Variants in CHD1 observed in about 807,000 individuals in gnomAD.
The protein encoded by CHD1 is chromodomain helicase DNA binding protein 1.
A neutral mutation model predicts 224.2 loss-of-function variants in CHD1; 36 were observed. The ratio of observed to expected loss-of-function variants is 0.16; its 90% CI spans 0.12 to 0.21. CHD1 has a LOEUF of 0.21. CHD1 is among the 10% of genes least tolerant of loss of function. CHD1 has a pLI of 1.00. For synonymous variants in CHD1, 668 were observed against 658.3 expected (o/e 1.01, Z -0.23); for missense variants, 1,378 against 1,994.8 (o/e 0.69, Z 5.89).
intron 17 of CHD1, among the ~76,000 whole-genome samples, chr5:98,887,430 A>T (rs754795424): frequency 2.6e-5 from 4 of 152,162 alleles, no homozygotes; most frequent in Non-Finnish European, 5.9e-5. Context: ...CTAAATATAC[A>T]GCATTTACTA....
intron 1 of CHD1, among the ~76,000 whole-genome samples, chr5:98,927,981 T>C (rs1229338574): frequency 1.3e-5 from 2 of 152,194 alleles, no homozygotes; most frequent in Non-Finnish European, 2.9e-5. Flanking sequence ...GCTTTGCTCC[T>C]GCTAAGTTTT....
Position 98,911,149 on chromosome 5 carries a change from ATATATATATATATAT to A in CHD1, c.54-6066_54-6052del, listed in dbSNP as rs1561540063. On this transcript the variant is annotated intron_variant, in intron 2 of 35. Coordinates refer to ENST00000614616, the MANE Select transcript of CHD1 (RefSeq NM_001270.4). ...TAAAATGAAAAAAAAAAAAAAAAAT[ATATATATATATATAT>A]ATATATATATATAGAGGCATGTCAA... is the stretch of plus-strand genomic sequence containing the variant. Among the ~76,000 whole-genome samples, 113 of 77,866 alleles carry A rather than the reference ATATATATATATATAT, an allele frequency of 1.5e-3. 1 individual carries two copies. The highest frequency in any genetic ancestry group is 6.4e-3 in the African/African-American group (106 of 16,482). 51.1% of individuals were successfully genotyped at this position (77,866 alleles called of 152,430 possible).
chr5:98,877,782 A>G (rs774557355), intron 23 of CHD1, among the ~76,000 whole-genome samples: 7 of 152,202 alleles, frequency 4.6e-5, no homozygotes, highest in African/African-American at 9.7e-5. Flanking sequence ...AACAGAAACA[A>G]GAAATAACAT....
intron 26 of CHD1, among the ~76,000 whole-genome samples, chr5:98,873,136 A>C (rs1193984506): frequency 6.6e-6 from 1 of 152,150 alleles, no homozygotes; most frequent in East Asian, 1.9e-4. Context: ...TCTGCTTATT[A>C]AATTTTATCT....
At chr5:98,897,854 C>T (rs978502960) in intron 10 of CHD1, among the ~76,000 whole-genome samples, 6 of 152,130 alleles carry the variant, frequency 3.9e-5, no homozygotes, top group Non-Finnish European at 7.4e-5. Flanking sequence ...TTTTTCTCTA[C>T]CTTCTAAGAA....
intron 11 of CHD1, among the ~76,000 whole-genome samples, 191 bp downstream of exon 11, chr5:98,897,002 T>TA (rs1354146066): frequency 6.6e-6 from 1 of 152,198 alleles, no homozygotes; most frequent in Non-Finnish European, 1.5e-5. Flanking sequence ...ACAATCAAGT[T>TA]AAACTCCAAC....
chr5:98,905,215 T>C (rs1275784334), intron 2 of CHD1, 117 bp from the exon 3 acceptor site: 3 of 1,204,700 alleles, frequency 2.5e-6, no homozygotes, highest in African/African-American at 1.5e-5. Context: ...ATTTCAACTA[T>C]CTTTGGCCAA....
At chr5:98,860,538 C>G in intron 32 of CHD1, 1 of 198,014 alleles carries the variant, frequency 5.1e-6, no homozygotes, top group South Asian at 8.1e-5. Context: ...GTAATGGTCC[C>G]AAGAGTAACA....
chr5:98,919,297 T>C (rs983360980), intron 2 of CHD1, among the ~76,000 whole-genome samples: 2 of 152,276 alleles, frequency 1.3e-5, no homozygotes, highest in East Asian at 3.9e-4. Context: ...CATTAATATA[T>C]GCAAATTTTA....
Position 98,858,240 on chromosome 5 carries a change from T to G in CHD1, c.4727A>C (p.Tyr1576Ser). ...YKKSDSRKRP[Y>S]SSFSNGKDHR... ...GTCTTTACCATTACTAAAAGAAGAATAGGGTCTTTTCCTGGAATCACTTTT... is the reference window on the plus strand; with the variant it reads ...GTCTTTACCATTACTAAAAGAAGAAGAGGGTCTTTTCCTGGAATCACTTTT... The change falls in exon 35 of 36, where the codon TAT becomes TCT. Residue 1576 changes from tyrosine to serine, a missense_variant. By Grantham distance (144) the Tyr-to-Ser change is moderately radical. Transcript: ENST00000614616. The G allele has an allele frequency of 5.6e-6, 9 of 1,613,252 alleles. No homozygotes were observed. Among genetic ancestry groups the G allele is most frequent in the Non-Finnish European group, 7.6e-6 (9 of 1,179,346 alleles).
intron 25 of CHD1, among the ~76,000 whole-genome samples, chr5:98,874,147 T>C (rs1749568653): frequency 6.6e-6 from 1 of 152,168 alleles, no homozygotes; most frequent in South Asian, 2.1e-4. Flanking sequence ...ATGCAAGTAT[T>C]TCATTATATT....
In CHD1 at chr5:98,882,237, T is replaced by C. The variant is rs578111277; in HGVS notation, c.2719-114A>G. 6 of 792,376 alleles carry C rather than the reference T, an allele frequency of 7.6e-6. 1 individual carries two copies. The South Asian group carries it at 1.1e-4, about 15-fold the overall frequency. The allele number at this position is 792,376 out of a possible 1,614,324, so 49.1% of individuals were successfully genotyped here. ...AGCTCATTCTATATGAAGTTTTCAC[T>C]GGTTAAAAGCAAAATGAAAATTTAA... On this transcript the variant is annotated intron_variant, in intron 19 of 35. Coordinates refer to ENST00000614616, the MANE Select transcript of CHD1 (RefSeq NM_001270.4).
chr5:98,896,298 T>C lies in CHD1; in HGVS notation c.1638A>G (p.Gln546=). The C allele has an allele frequency of 6.2e-7, 1 of 1,614,154 alleles. No individual in the cohort carries two copies. The highest frequency in any genetic ancestry group is 1.3e-5 in the African/African-American group (1 of 75,032). ...GAGAAGCCCAAGTCTGAATTTCCCT[T>C]TGCCAGGAAGTAAGAGTGGAGAGCG... is the stretch of plus-strand genomic sequence containing the variant. ...VVPLSTLTSW[Q]REIQTWASQM... Residue 546 remains glutamine (Q), a synonymous_variant, in exon 12 of 36, where the codon CAA becomes CAG. Coordinates refer to ENST00000614616, the MANE Select transcript of CHD1 (RefSeq NM_001270.4).
At chr5:98,902,826 T>C in intron 5 of CHD1, 74 bp downstream of exon 5, 1 of 983,282 alleles carries the variant, frequency 1.0e-6, no homozygotes, top group Non-Finnish European at 1.5e-6. Flanking sequence ...TGGCAACAAT[T>C]TTCATAAAGA....
chr5:98,859,844 G>C, intron 33 of CHD1, 128 bp downstream of exon 33: 1 of 516,510 alleles, frequency 1.9e-6, no homozygotes. Flanking sequence ...CATTACTGTG[G>C]TGTTCAATGG....
rs569850894 is a variant in CHD1 at position 98,864,061 on chromosome 5, A to G, written c.4249-475T>C. On this transcript the variant is annotated intron_variant, in intron 31 of 35. Coordinates refer to ENST00000614616, the MANE Select transcript of CHD1 (RefSeq NM_001270.4). The stretch of plus-strand genomic sequence containing the variant: ...CTTTGTGATAACAGAAGGTGGCAAT[A>G]ATGGCTTGCTCTTCATATTTTGGGT... Among the ~76,000 whole-genome samples the G allele has an allele frequency of 4.6e-5, 7 of 152,256 alleles. No individual in the cohort carries two copies. The South Asian group carries it at 1.5e-3, about 32-fold the overall frequency.
intron 31 of CHD1, among the ~76,000 whole-genome samples, 163 bp downstream of exon 31, chr5:98,868,331 GA>G (rs58475767): frequency 0.051 from 4,730 of 91,934 alleles, 164 homozygotes; most frequent in African/African-American, 0.14. Flanking sequence ...ACTCAAAAAA[GA>G]AAAAAAAAAA....
At chr5:98,915,212 T>C (rs1752661908) in intron 2 of CHD1, among the ~76,000 whole-genome samples, 1 of 152,236 alleles carries the variant, frequency 6.6e-6, no homozygotes, top group Non-Finnish European at 1.5e-5. Context: ...TTCTCATTTG[T>C]ACAACTCTGA....
At chr5:98,869,632 A>G (rs950888022) in intron 30 of CHD1, 122 bp downstream of exon 30, 29 of 716,696 alleles carry the variant, frequency 4.0e-5, no homozygotes, top group Non-Finnish European at 5.8e-5. Flanking sequence ...GCACACACAC[A>G]CACACACACA....
Sources: gnomAD v4.1 joint callset for allele counts (sites outside exome capture counted in the v4.1 genomes callset) on GRCh38, gnomAD v4.1.1 for gene constraint, MANE v1.5 for transcripts, NCBI Gene and HGNC (gene_info 2026-07-23, HGNC 2026-07-21) for gene names.